TBC1D5: variants seen among roughly 807,000 people sequenced by gnomAD.
The protein encoded by TBC1D5 is TBC1 domain family, member 5.
A neutral mutation model predicts 100.3 loss-of-function variants in TBC1D5; 75 were observed. That is an observed-to-expected ratio of 0.75 (90% CI 0.62 to 0.91). The LOEUF is 0.91. Among genes scored for constraint, TBC1D5 ranks in the 40% least tolerant of loss-of-function variants. TBC1D5 has a pLI of 0.00. For synonymous variants in TBC1D5, 323 were observed against 325.6 expected, an observed-to-expected ratio of 0.99 and a Z score of 0.09; for missense variants, 910 against 942.4, an observed-to-expected ratio of 0.97 and a Z score of 0.45.
At chr3:17,242,300 A>C (rs1445994424) in intron 16 of TBC1D5, among the ~76,000 whole-genome samples, 2 of 152,110 alleles carry the variant, frequency 1.3e-5, no homozygotes, top group African/African-American at 4.8e-5. Flanking sequence ...ATATTTACAA[A>C]ATTCTAGTTT....
chr3:17,266,631 C>T (rs1206809637), intron 15 of TBC1D5, among the ~76,000 whole-genome samples: 1 of 151,892 alleles, frequency 6.6e-6, no homozygotes, highest in African/African-American at 2.4e-5. Context: ...TTAAATAATA[C>T]ACAAAATTCA....
At chr3:17,530,637 G>A (rs114784870) in intron 2 of TBC1D5, among the ~76,000 whole-genome samples, 1 of 152,062 alleles carries the variant, frequency 6.6e-6, no homozygotes, top group East Asian at 1.9e-4. Context: ...GGACAAACAT[G>A]ATCCAGTGGG....
At chr3:17,173,407 GTT>G (rs1249740105) in intron 19 of TBC1D5, among the ~76,000 whole-genome samples, 1 of 152,194 alleles carries the variant, frequency 6.6e-6, no homozygotes, top group Non-Finnish European at 1.5e-5. Context: ...GAAACAGGCA[GTT>G]ACCTATACGC....
chr3:17,536,679 T>G (rs914630922), intron 2 of TBC1D5, among the ~76,000 whole-genome samples: 1 of 152,130 alleles, frequency 6.6e-6, no homozygotes, highest in African/African-American at 2.4e-5. Flanking sequence ...TTTATGCATG[T>G]TAGGGAGATA....
chr3:17,294,382 C>G (rs2082048463), intron 14 of TBC1D5, among the ~76,000 whole-genome samples: 1 of 152,098 alleles, frequency 6.6e-6, no homozygotes, highest in Admixed American at 6.6e-5. Flanking sequence ...TACTGCCATG[C>G]CTGGCTAATT....
intron 13 of TBC1D5, 36 bp from the exon 14 acceptor site, chr3:17,308,170 A>C: frequency 6.5e-7 from 1 of 1,548,226 alleles, no homozygotes; most frequent in Non-Finnish European, 8.6e-7. Flanking sequence ...AGAAGACAGT[A>C]CTTTTGAGAA....
chr3:17,520,375 A>G (rs2096051014), intron 2 of TBC1D5, among the ~76,000 whole-genome samples: 1 of 152,188 alleles, frequency 6.6e-6, no homozygotes, highest in South Asian at 2.1e-4. Context: ...ACGAAGAGAA[A>G]GGAAGAGAAA....
At position 17,718,067 on chromosome 3, in the gene TBC1D5, G is replaced by A. The variant is rs529212623; in HGVS notation, c.-101+21276C>T. Reference sequence around the variant, plus strand: ...AAGACAAGATAGGAAGGGGAAAAGCGAAGGTGCCCTCCAACACATTTGGAG... The same window carrying A: ...AAGACAAGATAGGAAGGGGAAAAGCAAAGGTGCCCTCCAACACATTTGGAG... On this transcript the variant is annotated intron_variant, in intron 1 of 21. Coordinates refer to ENST00000253692, the Ensembl canonical transcript of TBC1D5. 3.2e-3 allele frequency among the ~76,000 whole-genome samples: 485 copies of A among 152,222 alleles called. 2 individuals are homozygous for A. Among genetic ancestry groups the A allele is most frequent in the Non-Finnish European group, 5.2e-3 (356 of 68,018 alleles).
chr3:17,409,898 G>C (rs1195165179), intron 4 of TBC1D5, among the ~76,000 whole-genome samples: 1 of 152,174 alleles, frequency 6.6e-6, no homozygotes. Context: ...GAAGCAGAAA[G>C]TGCTGATTGA....
intron 2 of TBC1D5, among the ~76,000 whole-genome samples, chr3:17,516,273 T>A (rs1038641092): frequency 6.6e-6 from 1 of 152,130 alleles, no homozygotes; most frequent in East Asian, 1.9e-4. Context: ...AAAAACATAC[T>A]TTTTTATTAG....
At chr3:17,384,380 A>AT (rs1157854286) in intron 8 of TBC1D5, among the ~76,000 whole-genome samples, 1 of 151,940 alleles carries the variant, frequency 6.6e-6, no homozygotes. Flanking sequence ...AAAAGTACTA[A>AT]TTTTTTTCAA....
At chr3:17,221,445 C>T (rs1030161177) in intron 17 of TBC1D5, among the ~76,000 whole-genome samples, 2 of 152,056 alleles carry the variant, frequency 1.3e-5, no homozygotes, top group African/African-American at 4.8e-5. Flanking sequence ...CTCCCACGAC[C>T]CCACAACAGT....
At chr3:17,413,916 G>C (rs2094000116) in intron 4 of TBC1D5, among the ~76,000 whole-genome samples, 1 of 152,174 alleles carries the variant, frequency 6.6e-6, no homozygotes, top group African/African-American at 2.4e-5. Flanking sequence ...TTGGTTAAGA[G>C]GAGCTACTTA....
intron 3 of TBC1D5, among the ~76,000 whole-genome samples, chr3:17,458,775 C>T (rs1463587793): frequency 6.6e-6 from 1 of 152,178 alleles, no homozygotes; most frequent in Non-Finnish European, 1.5e-5. Context: ...CAGCTCACTA[C>T]ATCTCTGATC....
chr3:17,700,236 C>A (rs2072946078), intron 1 of TBC1D5, among the ~76,000 whole-genome samples: 1 of 151,910 alleles, frequency 6.6e-6, no homozygotes, highest in African/African-American at 2.4e-5. Flanking sequence ...GGAAACAATT[C>A]CCTATTTAAT....
chr3:17,440,850 C>A (rs1176302393), intron 3 of TBC1D5, among the ~76,000 whole-genome samples: 1 of 152,028 alleles, frequency 6.6e-6, no homozygotes, highest in Non-Finnish European at 1.5e-5. Flanking sequence ...CCATGTTGGC[C>A]AAGCGGGTCT....
intron 14 of TBC1D5, among the ~76,000 whole-genome samples, chr3:17,306,101 G>T (rs952818463): frequency 4.0e-5 from 5 of 124,042 alleles, no homozygotes; most frequent in African/African-American, 6.0e-5. Context: ...TCCCTAATAA[G>T]CTGCTTTTCA....
intron 17 of TBC1D5, 91 bp from the exon 19 acceptor site, chr3:17,214,461 T>G: frequency 7.5e-7 from 1 of 1,328,934 alleles, no homozygotes; most frequent in African/African-American, 1.5e-5. Flanking sequence ...TGATCAATTA[T>G]GATGCCACTA....
intron 2 of TBC1D5, among the ~76,000 whole-genome samples, chr3:17,606,462 T>C (rs1438932440): frequency 1.3e-5 from 2 of 152,080 alleles, no homozygotes; most frequent in Admixed American, 1.3e-4. Context: ...AGAAAGTATT[T>C]TTATTTTCTT....
Sources: allele counts gnomAD v4.1 joint callset (sites outside exome capture counted in the v4.1 genomes callset), GRCh38; gene constraint gnomAD v4.1.1; transcripts MANE v1.5; gene names NCBI Gene and HGNC (gene_info 2026-07-23, HGNC 2026-07-21).